DCT: variants seen among roughly 807,000 people sequenced by gnomAD.
The protein encoded by DCT is dopachrome tautomerase.
DCT carries 47 observed loss-of-function variants against 53.0 expected under a neutral mutation model. The ratio of observed to expected loss-of-function variants is 0.89; its 90% CI spans 0.70 to 1.13. The LOEUF (loss-of-function observed/expected upper bound fraction) is 1.13. DCT is among the 50% of genes most tolerant of loss of function. The probability of loss-of-function intolerance (pLI) is 0.00; values close to 1 mark genes in which losing one functional copy is unlikely to be tolerated. For missense variants in DCT, 669 were observed against 637.4 expected (o/e 1.05, Z -0.53); for synonymous variants, 244 against 237.0 (o/e 1.03, Z -0.27).
chr13:94,521,917 T>G, the DCT span, among the ~76,000 whole-genome samples: 1 of 152,204 alleles, frequency 6.6e-6, no homozygotes, highest in East Asian at 1.9e-4. Context: ...ATCCCTCCGT[T>G]TCTCCCAGCC....
At chr13:94,452,248 G>C (rs1883144260) in intron 6 of DCT, among the ~76,000 whole-genome samples, 2 of 152,152 alleles carry the variant, frequency 1.3e-5, no homozygotes, top group African/African-American at 4.8e-5. Flanking sequence ...GGCCAGGCTG[G>C]TCTTGAACTC....
chr13:94,549,176 C>T, the DCT span, among the ~76,000 whole-genome samples: 4 of 152,278 alleles, frequency 2.6e-5, no homozygotes, highest in African/African-American at 9.6e-5. Flanking sequence ...TCACCGGCAA[C>T]GCCAGGTGGG....
upstream of DCT, among the ~76,000 whole-genome samples, chr13:94,480,961 T>C (rs1014848010): frequency 2.0e-5 from 3 of 152,200 alleles, no homozygotes; most frequent in African/African-American, 4.8e-5. Flanking sequence ...AAGTCTAAAA[T>C]GAAGGTGTTG....
the DCT span, among the ~76,000 whole-genome samples, chr13:94,540,780 C>T: frequency 6.6e-6 from 1 of 152,142 alleles, no homozygotes; most frequent in Non-Finnish European, 1.5e-5. Context: ...CATATGATCC[C>T]GCAATCCCAC....
the DCT span, among the ~76,000 whole-genome samples, chr13:94,545,841 A>G: frequency 4.6e-5 from 7 of 151,918 alleles, no homozygotes; most frequent in Non-Finnish European, 8.8e-5. Flanking sequence ...AAGACCTGAA[A>G]AGCCTTCTCA....
At chr13:94,549,328 AG>A in the DCT span, among the ~76,000 whole-genome samples, 2 of 152,206 alleles carry the variant, frequency 1.3e-5, no homozygotes, top group African/African-American at 4.8e-5. Flanking sequence ...GTCTCACACC[AG>A]CCCCCCAGGC....
intron 1 of DCT, among the ~76,000 whole-genome samples, chr13:94,469,690 G>A (rs975470571): frequency 5.3e-5 from 8 of 152,128 alleles, no homozygotes; most frequent in Admixed American, 6.5e-5. Flanking sequence ...CTCCTCCTGC[G>A]TCCACTCCAC....
the DCT span, among the ~76,000 whole-genome samples, chr13:94,524,454 C>G: frequency 6.6e-6 from 1 of 152,354 alleles, no homozygotes; most frequent in East Asian, 1.9e-4. Context: ...AGCCCAGACC[C>G]TCCCTGGCAG....
In DCT at chr13:94,465,664, T is replaced by C; in HGVS notation, c.832A>G (p.Arg278Gly). The change falls in exon 4 of 8, where the codon AGA (arginine) becomes GGA (glycine). Residue 278 changes from arginine (R) to glycine (G), a missense_variant. Physicochemically the swap from Arg to Gly is moderately radical, Grantham distance 125. Transcript: ENST00000377028. The part of the protein sequence containing the change: ...DDPTLISRNS[R>G]FSSWETVCDS... ...CAGACAGTTTCCCAGCTGGAGAATC[T>C]TGAGTTCCGACTAATCAGAGTCGGA... The C allele has an allele frequency of 6.2e-7, 1 of 1,613,592 alleles. No homozygotes were observed. The highest frequency in any genetic ancestry group is 8.5e-7 in the Non-Finnish European group (1 of 1,179,828).
chr13:94,459,074 T>TCA (rs1330124984), intron 6 of DCT, among the ~76,000 whole-genome samples: 1 of 151,882 alleles, frequency 6.6e-6, no homozygotes, highest in Admixed American at 6.5e-5. Flanking sequence ...AGAAAAGGTC[T>TCA]CATAATGTTG....
At chr13:94,465,411 G>T (rs1012308606) in intron 4 of DCT, 5 of 332,398 alleles carry the variant, frequency 1.5e-5, no homozygotes, top group African/African-American at 2.3e-5. Flanking sequence ...CAAAATGATG[G>T]CCAAGCATAA....
chr13:94,544,754 G>T, the DCT span, among the ~76,000 whole-genome samples: 221 of 152,266 alleles, frequency 1.5e-3, no homozygotes, highest in African/African-American at 5.1e-3. Flanking sequence ...ATAAATCTGA[G>T]ATATGACAAA....
At chr13:94,462,698 A>T (rs1566833217) in intron 4 of DCT, among the ~76,000 whole-genome samples, 1 of 152,200 alleles carries the variant, frequency 6.6e-6, no homozygotes, top group Non-Finnish European at 1.5e-5. Context: ...TCAAAAATGT[A>T]GATGCACAAA....
chr13:94,547,039 G>A, the DCT span, among the ~76,000 whole-genome samples: 1,148 of 152,086 alleles, frequency 7.5e-3, 20 homozygotes, highest in Non-Finnish European at 0.012. Flanking sequence ...TAAGTCAGAG[G>A]TCAAACAGGG....
At chr13:94,487,313 ACT>A in the DCT span, among the ~76,000 whole-genome samples, 1 of 152,044 alleles carries the variant, frequency 6.6e-6, no homozygotes, top group Non-Finnish European at 1.5e-5. Flanking sequence ...AATTCATTTT[ACT>A]CTCTCTTTTT....
intron 4 of DCT, 73 bp from the exon 5 acceptor site, chr13:94,462,262 C>G: frequency 8.3e-7 from 1 of 1,210,712 alleles, no homozygotes; most frequent in South Asian, 1.2e-5. Flanking sequence ...AATCCCAGCA[C>G]TTTGGGAGGT....
chr13:94,503,559 G>A, the DCT span, among the ~76,000 whole-genome samples: 2 of 152,182 alleles, frequency 1.3e-5, no homozygotes, highest in Non-Finnish European at 2.9e-5. Context: ...ATAAGACAAA[G>A]GCCTCAGAAA....
intron 6 of DCT, chr13:94,452,574 C>G: frequency 1.3e-6 from 1 of 747,124 alleles, no homozygotes; most frequent in Non-Finnish European, 2.5e-6. Flanking sequence ...TTTTTTTACC[C>G]TTTAAGCCAG....
chr13:94,494,344 G>T, the DCT span, among the ~76,000 whole-genome samples: 1 of 152,130 alleles, frequency 6.6e-6, no homozygotes, highest in African/African-American at 2.4e-5. Flanking sequence ...TCATCATTTT[G>T]TTTGTGCTCC....
Sources: allele counts gnomAD v4.1 joint callset (sites outside exome capture counted in the v4.1 genomes callset), GRCh38; gene constraint gnomAD v4.1.1; transcripts MANE v1.5; gene names NCBI Gene and HGNC (gene_info 2026-07-23, HGNC 2026-07-21).